UST: variants seen among roughly 807,000 people sequenced by gnomAD.
UST encodes the protein chondroitin sulfate 2-O-sulfotransferase.
UST carries 21 observed loss-of-function variants against 45.6 expected under a neutral mutation model. The ratio of observed to expected loss-of-function variants is 0.46; its 90% CI spans 0.33 to 0.66. The LOEUF (loss-of-function observed/expected upper bound fraction) is 0.66, where lower values mean the gene tolerates loss of function less well. Ranked by LOEUF, UST falls within the 30% of genes least tolerant of loss-of-function variation. The pLI, the probability that UST is intolerant of heterozygous loss-of-function variation, is 0.02. For synonymous variants in UST, 215 were observed against 200.6 expected, an observed-to-expected ratio of 1.07 and a Z score of -0.61; for missense variants, 463 against 512.4, an observed-to-expected ratio of 0.90 and a Z score of 0.93.
At chr6:148,762,600 A>G (rs1387274677) in intron 1 of UST, among the ~76,000 whole-genome samples, 1 of 150,762 alleles carries the variant, frequency 6.6e-6, no homozygotes, top group Non-Finnish European at 1.5e-5. Flanking sequence ...GGTATATTGC[A>G]TAATGGTGAG....
chr6:148,974,729 AAG>A (rs1218390567), intron 5 of UST, among the ~76,000 whole-genome samples: 1 of 152,250 alleles, frequency 6.6e-6, no homozygotes, highest in African/African-American at 2.4e-5. Flanking sequence ...ACCGATCTGC[AAG>A]AAGCCCCAGC....
At chr6:149,007,616 G>T (rs1274119423) in intron 5 of UST, among the ~76,000 whole-genome samples, 1 of 148,450 alleles carries the variant, frequency 6.7e-6, no homozygotes, top group Non-Finnish European at 1.5e-5. Flanking sequence ...TAGAGACGGG[G>T]TTTCACCATG....
chr6:149,017,087 G>A (rs1401360248), intron 5 of UST, among the ~76,000 whole-genome samples: 8 of 152,212 alleles, frequency 5.3e-5, no homozygotes, highest in Admixed American at 3.9e-4. Context: ...CACAATAAAT[G>A]TAAGATGCAG....
rs1582853423 is a variant in UST, at chr6:148,854,250, T to C, written c.248-32736T>C. Among the ~76,000 whole-genome samples the C allele has an allele frequency of 3.3e-5, 5 of 152,342 alleles. No homozygotes were observed. In the South Asian group the frequency reaches 1.0e-3, roughly 32 times the overall value. ...TCCCTGTACCGCTGAGCCCACGCTGTAGGATCTTGGAATTGGGGCGTGGAC... is the reference window on the plus strand; with the variant it reads ...TCCCTGTACCGCTGAGCCCACGCTGCAGGATCTTGGAATTGGGGCGTGGAC... On this transcript the variant is annotated intron_variant, in intron 1 of 7. Transcript: ENST00000367463.
At chr6:149,021,519 G>T (rs1241378456) in intron 7 of UST, 38 bp downstream of exon 7, 14 of 1,611,312 alleles carry the variant, frequency 8.7e-6, no homozygotes, top group Non-Finnish European at 1.2e-5. Flanking sequence ...TCCATGAGAG[G>T]TCTGTGTCCA....
chr6:148,901,958 A>G (rs1213591953), intron 2 of UST, among the ~76,000 whole-genome samples: 1 of 152,284 alleles, frequency 6.6e-6, no homozygotes, highest in East Asian at 1.9e-4. Flanking sequence ...GAATACTCTG[A>G]GCATTGACTA....
At chr6:149,037,314 GT>G (rs975733830) in intron 7 of UST, among the ~76,000 whole-genome samples, 3 of 152,180 alleles carry the variant, frequency 2.0e-5, no homozygotes, top group Admixed American at 6.5e-5. Context: ...CTCCATTTGA[GT>G]TTTTTCCCCT....
chr6:148,853,471 A>G (rs1778145471), intron 1 of UST, among the ~76,000 whole-genome samples: 2 of 152,208 alleles, frequency 1.3e-5, no homozygotes, highest in Non-Finnish European at 2.9e-5. Flanking sequence ...CTTTGGGTGT[A>G]TACCCAGTAA....
intron 3 of UST, 65 bp downstream of exon 3, chr6:148,941,499 G>GA (rs1780125444): frequency 1.3e-6 from 2 of 1,501,110 alleles, no homozygotes; most frequent in African/African-American, 2.8e-5. Flanking sequence ...ACTAGTGGGT[G>GA]CCTTACAGGT....
At chr6:148,807,935 A>G (rs1162940154) in intron 1 of UST, among the ~76,000 whole-genome samples, 1 of 152,216 alleles carries the variant, frequency 6.6e-6, no homozygotes, top group Non-Finnish European at 1.5e-5. Context: ...GGAAGTAGCA[A>G]CAAGACACCG....
chr6:148,980,825 T>C (rs1285012208), intron 5 of UST, among the ~76,000 whole-genome samples: 1 of 152,022 alleles, frequency 6.6e-6, no homozygotes, highest in African/African-American at 2.4e-5. Flanking sequence ...GTTCAAACCA[T>C]CCTCCTCCCT....
In UST at chr6:149,074,148, C is replaced by A; in HGVS notation, c.*32C>A. On this transcript the variant is annotated 3_prime_UTR_variant, in exon 8 of 8. Transcript: ENST00000367463. ...TGTGTTGCCTCTATGGCTTTATCTC[C>A]CTTTTCCAGAAAGTTCTTTGTTTGG... is the stretch of plus-strand genomic sequence containing the variant. 1 of 1,597,494 alleles carries A rather than the reference C, an allele frequency of 6.3e-7. No homozygotes were observed. Among genetic ancestry groups the A allele is most frequent in the Non-Finnish European group, 8.6e-7 (1 of 1,169,444 alleles).
Position 149,068,990 on chromosome 6 carries a change from G to A in UST, c.938-4843G>A, listed in dbSNP as rs368887524. 3.9e-5 allele frequency among the ~76,000 whole-genome samples: 6 copies of A among 152,118 alleles called. No homozygotes were observed. In the East Asian group the frequency reaches 9.6e-4, roughly 24 times the overall value. ...CTCCCATATATGAGTGAAAATACACGATCTTTGTCTTTCTGTGCCTAGATT... is the reference window on the plus strand; with the variant it reads ...CTCCCATATATGAGTGAAAATACACAATCTTTGTCTTTCTGTGCCTAGATT... On this transcript the variant is annotated intron_variant, in intron 7 of 7. Transcript: ENST00000367463.
At chr6:148,991,638 A>G (rs762225934) in intron 5 of UST, among the ~76,000 whole-genome samples, 11 of 151,808 alleles carry the variant, frequency 7.2e-5, no homozygotes, top group Admixed American at 6.6e-4. Context: ...AGATGTCTCA[A>G]TCATTCATAC....
At chr6:148,896,541 A>G (rs1437091725) in intron 2 of UST, among the ~76,000 whole-genome samples, 2 of 152,224 alleles carry the variant, frequency 1.3e-5, no homozygotes, top group African/African-American at 4.8e-5. Flanking sequence ...TCTTTGAAAA[A>G]CAAAGAACTG....
intron 5 of UST, among the ~76,000 whole-genome samples, chr6:148,968,492 G>A (rs1334846910): frequency 6.6e-6 from 1 of 152,166 alleles, no homozygotes; most frequent in Admixed American, 6.5e-5. Context: ...CCTCCTTTTT[G>A]GGGGTGGGAG....
intron 2 of UST, among the ~76,000 whole-genome samples, chr6:148,899,041 A>G (rs1478726216): frequency 6.8e-6 from 1 of 147,342 alleles, no homozygotes; most frequent in Non-Finnish European, 1.5e-5. Flanking sequence ...TGCAAGTTGT[A>G]GTAACTTAAT....
intron 2 of UST, among the ~76,000 whole-genome samples, chr6:148,900,231 C>T (rs1193339999): frequency 6.6e-6 from 1 of 152,112 alleles, no homozygotes; most frequent in Non-Finnish European, 1.5e-5. Flanking sequence ...TTGCCTGCTC[C>T]CATCAGAACG....
intron 1 of UST, among the ~76,000 whole-genome samples, chr6:148,877,102 A>T (rs1190572216): frequency 7.6e-5 from 1 of 13,184 alleles, no homozygotes; most frequent in Non-Finnish European, 1.3e-4. Context: ...GTGTATGAGT[A>T]GGGGGGTCAT....
Sources: allele counts gnomAD v4.1 joint callset (sites outside exome capture counted in the v4.1 genomes callset), GRCh38; gene constraint gnomAD v4.1.1; transcripts MANE v1.5; gene names NCBI Gene and HGNC (gene_info 2026-07-23, HGNC 2026-07-21).